Variants in CA10 observed in about 807,000 individuals in gnomAD.
CA10 encodes the protein carbonic anhydrase-related protein 10.
In CA10, 14 loss-of-function variants were observed where a neutral mutation model predicts 44.2. The ratio of observed to expected loss-of-function variants is 0.32; its 90% CI spans 0.21 to 0.50. The LOEUF is 0.50. Among genes scored for constraint, CA10 ranks in the 20% least tolerant of loss-of-function variants. CA10 has a pLI of 0.99. For synonymous variants in CA10, 159 were observed against 141.6 expected, an observed-to-expected ratio of 1.12 and a Z score of -0.87; for missense variants, 350 against 409.7, an observed-to-expected ratio of 0.85 and a Z score of 1.26.
intron 2 of CA10, among the ~76,000 whole-genome samples, chr17:51,997,467 T>C (rs1985277680): frequency 6.6e-6 from 1 of 152,090 alleles, no homozygotes; most frequent in African/African-American, 2.4e-5. Context: ...GGATAATCAA[T>C]TATTGATGAA....
chr17:51,856,266 C>T (rs543029557), intron 3 of CA10, among the ~76,000 whole-genome samples: 5 of 152,212 alleles, frequency 3.3e-5, no homozygotes, highest in East Asian at 3.9e-4. Flanking sequence ...GTGGCAGAAA[C>T]TCTGCATTGC....
intron 2 of CA10, among the ~76,000 whole-genome samples, chr17:52,019,612 G>A (rs939442157): frequency 5.3e-5 from 8 of 152,010 alleles, no homozygotes; most frequent in Admixed American, 3.9e-4. Flanking sequence ...AAAGTACACA[G>A]ATGATAAGTA....
chr17:51,829,405 G>T (rs1051396513), intron 3 of CA10, among the ~76,000 whole-genome samples: 2 of 152,140 alleles, frequency 1.3e-5, no homozygotes, highest in African/African-American at 2.4e-5. Flanking sequence ...CTGAGGCTGT[G>T]TTCCATGGGG....
chr17:51,849,038 T>A (rs1010783856), intron 3 of CA10, among the ~76,000 whole-genome samples: 3 of 151,182 alleles, frequency 2.0e-5, no homozygotes. Flanking sequence ...AGAATGAGAC[T>A]GACTGACTGT....
intron 1 of CA10, among the ~76,000 whole-genome samples, chr17:52,133,600 C>T (rs143897274): frequency 1.3e-5 from 2 of 152,134 alleles, no homozygotes; most frequent in East Asian, 3.9e-4. Context: ...TCCATTTTTC[C>T]GACTGCTCTA....
intron 2 of CA10, among the ~76,000 whole-genome samples, chr17:52,011,479 T>C (rs1427468381): frequency 6.6e-6 from 1 of 152,084 alleles, no homozygotes; most frequent in East Asian, 1.9e-4. Flanking sequence ...TAGTCCATCT[T>C]AAGAAGAAGT....
At chr17:52,066,808 A>G (rs1007525281) in intron 2 of CA10, among the ~76,000 whole-genome samples, 3 of 152,166 alleles carry the variant, frequency 2.0e-5, no homozygotes, top group Non-Finnish European at 4.4e-5. Context: ...ATTTTGCTCC[A>G]CCCCAGAGAT....
At chr17:52,007,838 A>T (rs2144129781) in intron 2 of CA10, among the ~76,000 whole-genome samples, 1 of 151,668 alleles carries the variant, frequency 6.6e-6, no homozygotes, top group South Asian at 2.1e-4. Context: ...AAATCCATTT[A>T]TACCTATAGT....
chr17:51,940,364 C>T (rs8078818), intron 2 of CA10, among the ~76,000 whole-genome samples: 20,346 of 152,086 alleles, frequency 0.13, 1,709 homozygotes, highest in South Asian at 0.3. Flanking sequence ...GCTACCACTA[C>T]GGGACCGTAA....
At chr17:52,123,635 C>A (rs1406605901) in intron 1 of CA10, among the ~76,000 whole-genome samples, 1 of 152,058 alleles carries the variant, frequency 6.6e-6, no homozygotes, top group East Asian at 1.9e-4. Context: ...TTGATCGAAG[C>A]CTGACATAAT....
At chr17:51,753,860 T>C (rs1421740771) in intron 3 of CA10, among the ~76,000 whole-genome samples, 1 of 152,192 alleles carries the variant, frequency 6.6e-6, no homozygotes, top group African/African-American at 2.4e-5. Flanking sequence ...TTTCTGTTTT[T>C]TGATACGGAG....
chr17:51,936,642 AT>A (rs1567891885), intron 2 of CA10, among the ~76,000 whole-genome samples: 7 of 152,008 alleles, frequency 4.6e-5, no homozygotes, highest in South Asian at 4.1e-4. Flanking sequence ...CCAGGAACAG[AT>A]GGCTCAGTGC....
chr17:51,961,511 GAAATC>G (rs1398560321), intron 2 of CA10, among the ~76,000 whole-genome samples: 2 of 152,030 alleles, frequency 1.3e-5, no homozygotes, highest in Non-Finnish European at 2.9e-5. Flanking sequence ...TAGAGTCAAT[GAAATC>G]AAAAGGTGGT....
chr17:52,099,893 A>G (rs986326681), intron 1 of CA10, among the ~76,000 whole-genome samples: 1 of 152,228 alleles, frequency 6.6e-6, no homozygotes, highest in Non-Finnish European at 1.5e-5. Context: ...GTCATGGTAG[A>G]CAAGAACAAG....
intron 4 of CA10, among the ~76,000 whole-genome samples, chr17:51,673,604 C>G (rs1272682294): frequency 3.9e-5 from 6 of 152,280 alleles, no homozygotes; most frequent in African/African-American, 1.4e-4. Context: ...CCTCTTTATA[C>G]CCAGTGCTAC....
chr17:51,676,845 G>C (rs1034101489), intron 4 of CA10, among the ~76,000 whole-genome samples: 4 of 152,028 alleles, frequency 2.6e-5, no homozygotes, highest in African/African-American at 9.7e-5. Context: ...AAATAACCCA[G>C]GGTTATCTTA....
chr17:51,742,873 C>T (rs1278954998), intron 4 of CA10, among the ~76,000 whole-genome samples: 2 of 152,220 alleles, frequency 1.3e-5, no homozygotes, highest in African/African-American at 4.8e-5. Context: ...TCAGGTTGCA[C>T]AGCTGCTCAC....
rs979600008 is a variant in CA10, at chr17:51,921,361, T to C, written c.279+9629A>G. On this transcript the variant is annotated intron_variant, in intron 3 of 8. Coordinates refer to ENST00000451037, the MANE Select transcript of CA10 (RefSeq NM_020178.5). ...ACATAGCTTGAATTCTTATTTTGAA[T>C]TGAAGTCTGGCCAAAGTTACTTTCA... is the stretch of plus-strand genomic sequence containing the variant. 7.9e-5 allele frequency among the ~76,000 whole-genome samples: 12 copies of C among 152,320 alleles called. 1 individual carries two copies. Among genetic ancestry groups the C allele is most frequent in the Admixed American group, 2.0e-4 (3 of 15,306 alleles).
intron 3 of CA10, among the ~76,000 whole-genome samples, chr17:51,860,724 T>G (rs1979265193): frequency 1.3e-5 from 2 of 152,216 alleles, no homozygotes. Context: ...TATTAATAGT[T>G]GCTCTGCTAT....
Sources: gnomAD v4.1 joint callset for allele counts (sites outside exome capture counted in the v4.1 genomes callset) on GRCh38, gnomAD v4.1.1 for gene constraint, MANE v1.5 for transcripts, NCBI Gene and HGNC (gene_info 2026-07-23, HGNC 2026-07-21) for gene names.